Variants in COL24A1 observed in about 807,000 individuals in gnomAD.
COL24A1 encodes the protein collagen alpha-1(XXIV) chain.
A neutral mutation model predicts 253.9 loss-of-function variants in COL24A1; 224 were observed. The observed-to-expected ratio is 0.88, with a 90% CI of 0.79 to 0.99. COL24A1 has a LOEUF of 0.99. Among genes scored for constraint, COL24A1 ranks in the 50% least tolerant of loss-of-function variants. The pLI, the probability that COL24A1 is intolerant of heterozygous loss-of-function variation, is 0.00. For synonymous variants in COL24A1, 685 were observed against 673.7 expected, an observed-to-expected ratio of 1.02 and a Z score of -0.26; for missense variants, 2,131 against 2,068.5, an observed-to-expected ratio of 1.03 and a Z score of -0.59.
intron 14 of COL24A1, among the ~76,000 whole-genome samples, 184 bp downstream of exon 14, chr1:86,031,694 T>C: frequency 6.6e-6 from 1 of 152,146 alleles, no homozygotes; most frequent in Middle Eastern, 3.4e-3. Flanking sequence ...TACAATTAAT[T>C]TTTTGACTTA....
At position 85,985,990 on chromosome 1, in the gene COL24A1, T is replaced by G. The variant is rs185953587; in HGVS notation, c.2364+1611A>C. ...CACCTCCACCTTTTCACAAGTTTCT[T>G]TTTCCTGAATACCATACATCCCCTT... is the stretch of plus-strand genomic sequence containing the variant. On this transcript the variant is annotated intron_variant, in intron 20 of 59. Coordinates refer to ENST00000370571, the MANE Select transcript of COL24A1 (RefSeq NM_152890.7). 1.5e-4 allele frequency among the ~76,000 whole-genome samples: 23 copies of G among 151,996 alleles called. No individual in the cohort carries two copies. The East Asian group carries it at 4.4e-3, about 29-fold the overall frequency.
intron 53 of COL24A1, among the ~76,000 whole-genome samples, chr1:85,763,492 CTTTTTT>C (rs371408246): frequency 3.2e-5 from 4 of 124,538 alleles, no homozygotes; most frequent in African/African-American, 8.9e-5. Context: ...CTTTTACTTT[CTTTTTT>C]TTTTTTTTTT....
intron 24 of COL24A1, among the ~76,000 whole-genome samples, chr1:85,915,971 C>T (rs1330725925): frequency 6.6e-6 from 1 of 152,078 alleles, no homozygotes; most frequent in Non-Finnish European, 1.5e-5. Flanking sequence ...GCAGTAGGCT[C>T]GTTTAGCTTA....
chr1:85,962,079 T>C (rs1331660367), intron 23 of COL24A1, among the ~76,000 whole-genome samples: 1 of 152,002 alleles, frequency 6.6e-6, no homozygotes, highest in African/African-American at 2.4e-5. Flanking sequence ...AAAGGCAGAG[T>C]AGTAAGCACT....
chr1:85,817,716 T>A (rs1673185360), intron 46 of COL24A1, among the ~76,000 whole-genome samples: 1 of 152,206 alleles, frequency 6.6e-6, no homozygotes, highest in Non-Finnish European at 1.5e-5. Flanking sequence ...CTGGCCTTTG[T>A]CACCATTCAT....
intron 5 of COL24A1, among the ~76,000 whole-genome samples, chr1:86,103,405 T>A: frequency 6.6e-6 from 1 of 152,338 alleles, no homozygotes; most frequent in Non-Finnish European, 1.5e-5. Context: ...ATATGTGGAT[T>A]TGATACTGTC....
At chr1:85,777,011 A>C (rs918212862) in intron 52 of COL24A1, among the ~76,000 whole-genome samples, 2 of 151,654 alleles carry the variant, frequency 1.3e-5, no homozygotes, top group Admixed American at 1.3e-4. Context: ...GTGCAGTGGC[A>C]TGATCTCAGC....
intron 24 of COL24A1, among the ~76,000 whole-genome samples, chr1:85,938,316 C>A (rs187707961): frequency 6.8e-6 from 1 of 146,562 alleles, no homozygotes. Flanking sequence ...TGGAGGCCCT[C>A]GTCCTCAAAG....
chr1:86,113,095 T>A (rs1188269523), intron 4 of COL24A1, among the ~76,000 whole-genome samples: 3 of 152,228 alleles, frequency 2.0e-5, no homozygotes, highest in Non-Finnish European at 4.4e-5. Flanking sequence ...TCGATTAATA[T>A]TTAGCAATTT....
chr1:85,738,439 A>C (rs1664280525), intron 57 of COL24A1, among the ~76,000 whole-genome samples: 1 of 152,146 alleles, frequency 6.6e-6, no homozygotes, highest in Non-Finnish European at 1.5e-5. Context: ...GTGAAATTCT[A>C]CCAGTCTTTG....
At chr1:85,810,092 C>A (rs1305868398) in intron 47 of COL24A1, among the ~76,000 whole-genome samples, 1 of 151,952 alleles carries the variant, frequency 6.6e-6, no homozygotes, top group Non-Finnish European at 1.5e-5. Context: ...CTGATCAAAA[C>A]AGGATCTGGC....
rs994535469 is a variant in COL24A1 at position 86,125,040 on chromosome 1, C to A, written c.1296G>T (p.Leu432Phe). The A allele has an allele frequency of 6.2e-7, 1 of 1,612,814 alleles. No individual in the cohort carries two copies. The highest frequency in any genetic ancestry group is 1.7e-5 in the Admixed American group (1 of 59,832). ...CAGATGGCTCATTTGTCACTCTATGCAAGCTTGTGTTTAAAATTGGTTGCA... is the reference window on the plus strand; with the variant it reads ...CAGATGGCTCATTTGTCACTCTATGAAAGCTTGTGTTTAAAATTGGTTGCA... The part of the protein sequence containing the change: ...MEMQPILNTS[L>F]HRVTNEPSVD... Residue 432 changes from leucine to phenylalanine, a missense_variant, in exon 3 of 60, where the codon TTG becomes TTT. Leu to Phe is a conservative substitution (Grantham distance 22). Transcript: ENST00000370571.
intron 57 of COL24A1, among the ~76,000 whole-genome samples, chr1:85,740,126 T>G (rs1664451312): frequency 6.6e-6 from 1 of 152,170 alleles, no homozygotes; most frequent in South Asian, 2.1e-4. Flanking sequence ...AAATCCCCAA[T>G]CCTACGTAAG....
intron 47 of COL24A1, among the ~76,000 whole-genome samples, chr1:85,794,265 T>G (rs1670595130): frequency 6.6e-6 from 1 of 152,174 alleles, no homozygotes; most frequent in Non-Finnish European, 1.5e-5. Context: ...CCATTTTGCC[T>G]CACTTTACTT....
intron 4 of COL24A1, among the ~76,000 whole-genome samples, 185 bp downstream of exon 4, chr1:86,115,140 G>A (rs1220970684): frequency 6.6e-6 from 1 of 152,190 alleles, no homozygotes; most frequent in Non-Finnish European, 1.5e-5. Flanking sequence ...TTGGCTGTGT[G>A]TTTACACTCA....
At chr1:85,782,455 C>A (rs12075929) in intron 51 of COL24A1, among the ~76,000 whole-genome samples, 39,967 of 152,052 alleles carry the variant, frequency 0.26, 5,695 homozygotes, top group East Asian at 0.35. Context: ...AGGTTAGTTA[C>A]ATAAGTATGA....
chr1:85,818,165 C>A (rs1673242245), intron 45 of COL24A1, 78 bp from the exon 46 acceptor site: 1 of 1,123,868 alleles, frequency 8.9e-7, no homozygotes, highest in Non-Finnish European at 1.3e-6. Flanking sequence ...GACACTGAGA[C>A]CTGGACGCTG....
intron 32 of COL24A1, among the ~76,000 whole-genome samples, chr1:85,880,817 G>A (rs1159559952): frequency 6.6e-6 from 1 of 151,662 alleles, no homozygotes; most frequent in Non-Finnish European, 1.5e-5. Flanking sequence ...TTGAGGTGAT[G>A]GATTACATTA....
intron 47 of COL24A1, among the ~76,000 whole-genome samples, chr1:85,789,324 G>C (rs182066561): frequency 3.3e-5 from 5 of 152,164 alleles, no homozygotes; most frequent in African/African-American, 1.2e-4. Flanking sequence ...TGTAGCAATT[G>C]TGAATGGGAG....
Sources: gnomAD v4.1 joint callset for allele counts (sites outside exome capture counted in the v4.1 genomes callset) on GRCh38, gnomAD v4.1.1 for gene constraint, MANE v1.5 for transcripts, NCBI Gene and HGNC (gene_info 2026-07-23, HGNC 2026-07-21) for gene names.